CCDC15: variants seen among roughly 807,000 people sequenced by gnomAD.
CCDC15 encodes the protein coiled-coil domain-containing protein 15.
A neutral mutation model predicts 114.5 loss-of-function variants in CCDC15; 105 were observed. The ratio of observed to expected loss-of-function variants is 0.92; its 90% CI spans 0.78 to 1.08. The LOEUF is 1.08. Ranked by LOEUF, CCDC15 falls within the 50% of genes least tolerant of loss-of-function variation. The probability of loss-of-function intolerance (pLI) is 0.00; values close to 1 mark genes in which losing one functional copy is unlikely to be tolerated. For missense variants in CCDC15, 1,105 were observed against 1,093.6 expected, an observed-to-expected ratio of 1.01 and a Z score of -0.15; for synonymous variants, 334 against 377.8, an observed-to-expected ratio of 0.88 and a Z score of 1.34.
Position 124,981,900 on chromosome 11 carries a change from C to A in CCDC15, c.753+4300C>A, listed in dbSNP as rs573427689. 3.3e-5 allele frequency among the ~76,000 whole-genome samples: 5 copies of A among 152,298 alleles called. No homozygotes were observed. In the South Asian group the frequency reaches 1.0e-3, roughly 32 times the overall value. On this transcript the variant is annotated intron_variant, in intron 6 of 15. Transcript: ENST00000344762. ...CTTCCCACGGTGCTGGGATTACAGGCATGAGCCATCGCAGCTGGCCTGAGT... is the reference window on the plus strand; with the variant it reads ...CTTCCCACGGTGCTGGGATTACAGGAATGAGCCATCGCAGCTGGCCTGAGT...
At chr11:124,977,730 T>C (rs1947998111) in intron 6 of CCDC15, 130 bp downstream of exon 6, 1 of 887,798 alleles carries the variant, frequency 1.1e-6, no homozygotes, top group African/African-American at 1.7e-5. Context: ...ATATAATTCA[T>C]ATACCATACA....
chr11:125,034,540 C>T (rs944286513), intron 13 of CCDC15, among the ~76,000 whole-genome samples: 11 of 152,172 alleles, frequency 7.2e-5, no homozygotes, highest in African/African-American at 2.7e-4. Flanking sequence ...CTGAGTTCAT[C>T]ATTTTCTTTC....
chr11:124,974,823 G>A (rs554908470), intron 4 of CCDC15, among the ~76,000 whole-genome samples: 2 of 152,134 alleles, frequency 1.3e-5, no homozygotes, highest in East Asian at 1.9e-4. Flanking sequence ...TCATATTTTT[G>A]TGTACATGCT....
chr11:124,986,685 G>T, intron 6 of CCDC15, 57 bp from the exon 7 acceptor site: 1 of 1,398,662 alleles, frequency 7.1e-7, no homozygotes, highest in Non-Finnish European at 9.5e-7. Context: ...GTGTGTGTGT[G>T]TGTGTTTGTG....
intron 13 of CCDC15, among the ~76,000 whole-genome samples, chr11:125,023,607 T>G (rs1005242235): frequency 2.0e-5 from 3 of 151,988 alleles, no homozygotes; most frequent in Non-Finnish European, 2.9e-5. Flanking sequence ...TCATACTCAC[T>G]AGATTGGCTA....
rs368914625 is a variant in CCDC15, at chr11:124,977,590, T to C, written c.743T>C (p.Met248Thr). 2.2e-5 allele frequency: 36 copies of C among 1,602,170 alleles called. 1 individual carries two copies. Among genetic ancestry groups the C allele is most frequent in the South Asian group, 7.9e-5 (7 of 88,550 alleles). Residue 248 changes from methionine to threonine, a missense_variant, in exon 6 of 16, where the codon ATG becomes ACG. Physicochemically the swap from Met to Thr is moderately conservative, Grantham distance 81. Coordinates refer to ENST00000344762, the MANE Select transcript of CCDC15 (RefSeq NM_025004.3). Reference sequence around the variant, plus strand: ...GCTGCTGTACCTTACCAGAATTATATGGAAAATCAGGTAGGGAAATATAAA... The same window carrying C: ...GCTGCTGTACCTTACCAGAATTATACGGAAAATCAGGTAGGGAAATATAAA... The part of the protein sequence containing the change: ...LLAAVPYQNY[M>T]ENQELDYEEP...
chr11:124,959,283 C>T lies in CCDC15; in HGVS notation c.327+19C>T. ...TGAAAGAGTAAGTTCAAAAGTGAGC[C>T]TGAGTAAAGATTGAATGGAAAATAT... is the stretch of plus-strand genomic sequence containing the variant. On this transcript the variant is annotated intron_variant, in intron 3 of 15. Coordinates refer to ENST00000344762, the MANE Select transcript of CCDC15 (RefSeq NM_025004.3). 6.5e-7 allele frequency: 1 copy of T among 1,548,288 alleles called. No individual in the cohort carries two copies. The highest frequency in any genetic ancestry group is 2.3e-5 in the East Asian group (1 of 43,238).
chr11:125,031,825 C>T (rs1001720074), intron 13 of CCDC15, among the ~76,000 whole-genome samples: 2 of 152,294 alleles, frequency 1.3e-5, no homozygotes, highest in African/African-American at 2.4e-5. Flanking sequence ...CTGTTCTGGA[C>T]CCCACTCAAA....
intron 13 of CCDC15, among the ~76,000 whole-genome samples, chr11:125,037,920 G>GT (rs201886134): frequency 0.13 from 14,825 of 114,992 alleles, 838 homozygotes; most frequent in South Asian, 0.15. Flanking sequence ...CAGAAAAACT[G>GT]TTTTTTTTTT....
intron 6 of CCDC15, among the ~76,000 whole-genome samples, chr11:124,978,677 A>T (rs1223150254): frequency 1.3e-5 from 2 of 151,914 alleles, no homozygotes; most frequent in African/African-American, 4.8e-5. Context: ...TTGCTTGTAA[A>T]TTTGTTTAAT....
intron 14 of CCDC15, 142 bp from the exon 15 acceptor site, chr11:125,038,779 C>T (rs542783998): frequency 1.3e-5 from 16 of 1,201,368 alleles, no homozygotes; most frequent in South Asian, 6.3e-5. Context: ...TGTAGCCCTG[C>T]GTTTTTCCCA....
intron 6 of CCDC15, among the ~76,000 whole-genome samples, chr11:124,980,652 T>C (rs1328704683): frequency 1.3e-5 from 2 of 152,238 alleles, no homozygotes; most frequent in African/African-American, 4.8e-5. Flanking sequence ...TTTATTTGGA[T>C]ATTCTCTCTT....
At chr11:124,993,609 G>A (rs557556442) in intron 11 of CCDC15, among the ~76,000 whole-genome samples, 10 of 152,094 alleles carry the variant, frequency 6.6e-5, no homozygotes, top group Admixed American at 2.6e-4. Flanking sequence ...GATGGAGGAA[G>A]GAGTTACTTC....
intron 13 of CCDC15, among the ~76,000 whole-genome samples, chr11:125,036,786 G>A (rs969058697): frequency 1.3e-5 from 2 of 151,876 alleles, no homozygotes; most frequent in Non-Finnish European, 2.9e-5. Flanking sequence ...TATTTCAGTT[G>A]CAGTTTTTAA....
intron 5 of CCDC15, 121 bp downstream of exon 5, chr11:124,975,330 A>G: frequency 2.0e-6 from 1 of 497,240 alleles, no homozygotes; most frequent in South Asian, 4.1e-5. Flanking sequence ...TAAATACCCA[A>G]TAGTAGGGGA....
At position 125,025,075 on chromosome 11, in the gene CCDC15, A is replaced by AACATATGAATATATATGAAT. The variant is rs1948689217; in HGVS notation, c.2412-13355_2412-13354insCATATGAATATATATGAATA. 1.2e-4 allele frequency among the ~76,000 whole-genome samples: 7 copies of AACATATGAATATATATGAAT among 57,546 alleles called. 1 individual carries two copies. The highest frequency in any genetic ancestry group is 3.3e-5 in the Non-Finnish European group (1 of 30,102). 37.8% of individuals were successfully genotyped at this position (57,546 alleles called of 152,430 possible). ...ATATGAATATATATATGAATATATGAATATATATGAATATATATATGAATA... is the reference window on the plus strand; with the variant it reads ...ATATGAATATATATATGAATATATGAACATATGAATATATATGAATATATATATGAATATATATATGAATA... On this transcript the variant is annotated intron_variant, in intron 13 of 15. Coordinates refer to ENST00000344762, the MANE Select transcript of CCDC15 (RefSeq NM_025004.3).
intron 13 of CCDC15, among the ~76,000 whole-genome samples, chr11:125,023,038 AGTT>A: frequency 6.6e-6 from 1 of 151,890 alleles, no homozygotes. Flanking sequence ...TCTGCTTTTC[AGTT>A]TGTTCTTTTA....
chr11:124,965,840 G>A (rs1043066563), intron 4 of CCDC15, among the ~76,000 whole-genome samples: 1 of 152,152 alleles, frequency 6.6e-6, no homozygotes, highest in African/African-American at 2.4e-5. Flanking sequence ...GGTATGTTGT[G>A]TCTCTGTTCT....
Position 124,977,561 on chromosome 11 carries a change from T to C in CCDC15, c.714T>C (p.Leu238=). The change falls in exon 6 of 16, where the codon CTT becomes CTC. Residue 238 remains leucine, a synonymous_variant. Transcript: ENST00000344762. ...GELPIKVHQG[L]LAAVPYQNYM... ...TGCCCATTAAGGTCCATCAAGGTCTTTTAGCTGCTGTACCTTACCAGAATT... is the reference window on the plus strand; with the variant it reads ...TGCCCATTAAGGTCCATCAAGGTCTCTTAGCTGCTGTACCTTACCAGAATT... The C allele has an allele frequency of 6.2e-7, 1 of 1,609,588 alleles. No individual in the cohort carries two copies. Among genetic ancestry groups the C allele is most frequent in the African/African-American group, 1.3e-5 (1 of 74,856 alleles).
Sources: allele counts gnomAD v4.1 joint callset (sites outside exome capture counted in the v4.1 genomes callset), GRCh38; gene constraint gnomAD v4.1.1; transcripts MANE v1.5; gene names NCBI Gene and HGNC (gene_info 2026-07-23, HGNC 2026-07-21).